The following PDE3B variants were observed in gnomAD, a reference collection of about 807,000 sequenced individuals.
PDE3B encodes the protein phosphodiesterase 3B, also known as cGMP-inhibited 3',5'-cyclic phosphodiesterase 3B.
PDE3B carries 66 observed loss-of-function variants against 116.8 expected under a neutral mutation model. The observed-to-expected ratio is 0.56, with a 90% confidence interval of 0.46 to 0.69. PDE3B has a LOEUF of 0.69. Among genes scored for constraint, PDE3B ranks in the 30% least tolerant of loss-of-function variants. The probability of loss-of-function intolerance (pLI) is 0.00; values close to 1 mark genes in which losing one functional copy is unlikely to be tolerated. For synonymous variants in PDE3B, 595 were observed against 533.6 expected (o/e 1.12, Z -1.59); for missense variants, 1,384 against 1,368.1 (o/e 1.01, Z -0.18).
At chr11:14,882,101 C>T in the PDE3B span, among the ~76,000 whole-genome samples, 2 of 152,048 alleles carry the variant, frequency 1.3e-5, no homozygotes, top group Non-Finnish European at 2.9e-5. Context: ...TTTTTCTATA[C>T]TCCCAGATGA....
chr11:14,890,040 A>G, the PDE3B span, among the ~76,000 whole-genome samples: 1 of 151,980 alleles, frequency 6.6e-6, no homozygotes, highest in Non-Finnish European at 1.5e-5. Flanking sequence ...GAGGCAGGAG[A>G]ATGGCGTGAA....
chr11:14,655,172 A>T (rs1468457210), intron 1 of PDE3B, among the ~76,000 whole-genome samples: 5 of 152,196 alleles, frequency 3.3e-5, no homozygotes, highest in Non-Finnish European at 4.4e-5. Flanking sequence ...AGGACACAAG[A>T]CACTATAATA....
At chr11:14,777,585 G>A (rs1056801723) in intron 2 of PDE3B, among the ~76,000 whole-genome samples, 1 of 152,170 alleles carries the variant, frequency 6.6e-6, no homozygotes, top group African/African-American at 2.4e-5. Flanking sequence ...AAGCCCAGAA[G>A]GAAGTGGCAG....
chr11:14,674,034 T>C, intron 1 of PDE3B: 1 of 1,487,772 alleles, frequency 6.7e-7, no homozygotes, highest in African/African-American at 1.4e-5. Flanking sequence ...GTCTGGTAAT[T>C]AAGTCCCAGT....
Position 14,843,837 on chromosome 11 carries a change from TAGA to T in PDE3B, c.2333_2335del (p.Arg778del). The stretch of plus-strand genomic sequence containing the variant: ...TTTATTGTTTCTCAGATTCTGATGG[TAGA>T]ATTAACCATGGGCGAATTGCTTATA... On this transcript the variant is annotated inframe_deletion, in exon 12 of 16. Transcript: ENST00000282096. 6.2e-7 allele frequency: 1 copy of T among 1,613,144 alleles called. No individual in the cohort carries two copies. The highest frequency in any genetic ancestry group is 1.1e-5 in the South Asian group (1 of 91,060).
rs192129845 is a variant in PDE3B, at chr11:14,682,801, C to G, written c.978+37748C>G. Among the ~76,000 whole-genome samples the G allele has an allele frequency of 5.8e-3, 867 of 150,334 alleles. 7 individuals are homozygous for G. Among genetic ancestry groups the G allele is most frequent in the Non-Finnish European group, 5.7e-3 (385 of 67,620 alleles). On this transcript the variant is annotated intron_variant, in intron 1 of 15. Coordinates refer to ENST00000282096, the MANE Select transcript of PDE3B (RefSeq NM_000922.4). ...GTTTTTTGTTGTTTTTTTTTTAATA[C>G]CTTTTTTGGTATTGGGGTAATGGTG...
chr11:14,804,257 G>A (rs1354825892), intron 5 of PDE3B, among the ~76,000 whole-genome samples: 1 of 152,048 alleles, frequency 6.6e-6, no homozygotes, highest in African/African-American at 2.4e-5. Context: ...CTCTGTACCA[G>A]GTATTTTGCT....
intron 5 of PDE3B, among the ~76,000 whole-genome samples, chr11:14,814,489 A>G (rs1160193819): frequency 1.3e-5 from 2 of 152,224 alleles, no homozygotes; most frequent in Non-Finnish European, 2.9e-5. Flanking sequence ...AACACCATTT[A>G]CCACAGCATC....
chr11:14,885,958 G>A, the PDE3B span: 27 of 1,593,414 alleles, frequency 1.7e-5, no homozygotes, highest in Admixed American at 5.0e-5. Context: ...ATGACAGCAT[G>A]TATGGAGAAA....
chr11:14,730,608 A>G (rs918429807), intron 1 of PDE3B, among the ~76,000 whole-genome samples: 2 of 152,214 alleles, frequency 1.3e-5, no homozygotes, highest in Non-Finnish European at 2.9e-5. Context: ...TATTTTAGTT[A>G]TTACTTTAAC....
intron 12 of PDE3B, among the ~76,000 whole-genome samples, chr11:14,849,867 G>C (rs1847703468): frequency 6.6e-6 from 1 of 151,330 alleles, no homozygotes; most frequent in Non-Finnish European, 1.5e-5. Context: ...TGGAGAAATA[G>C]GAACACTTTT....
intron 1 of PDE3B, among the ~76,000 whole-genome samples, chr11:14,722,558 C>G (rs971405655): frequency 2.0e-5 from 3 of 152,110 alleles, no homozygotes; most frequent in African/African-American, 4.8e-5. Flanking sequence ...AGCAATTTTA[C>G]AAATAATAGA....
At chr11:14,757,711 T>G (rs1446058786) in intron 1 of PDE3B, among the ~76,000 whole-genome samples, 1 of 144,830 alleles carries the variant, frequency 6.9e-6, no homozygotes, top group Non-Finnish European at 1.5e-5. Context: ...TAGCCCTTTT[T>G]CAGATGAGTA....
chr11:14,786,483 C>T lies in PDE3B; in HGVS notation c.1076C>T (p.Ala359Val). The T allele has an allele frequency of 6.2e-7, 1 of 1,612,070 alleles. No homozygotes were observed. Among genetic ancestry groups the T allele is most frequent in the Non-Finnish European group, 8.5e-7 (1 of 1,178,428 alleles). ...GTTGATCTTTCAGTGCTAAATGAGG[C>T]TCGCAATATGGTGTCAGATCTTCTG... ...NGVDLSVLNE[A>V]RNMVSDLLTD... The change falls in exon 3 of 16, where the codon GCT becomes GTT. Residue 359 changes from alanine (A) to valine (V), a missense_variant. Ala to Val is a moderately conservative substitution (Grantham distance 64). This residue lies in a region of PDE3B where 956 missense variants were observed against 806.8 expected (regional missense o/e 1.18). Coordinates refer to ENST00000282096, the MANE Select transcript of PDE3B (RefSeq NM_000922.4).
At chr11:14,649,143 A>G (rs930236561) in intron 1 of PDE3B, among the ~76,000 whole-genome samples, 2 of 152,104 alleles carry the variant, frequency 1.3e-5, no homozygotes, top group African/African-American at 4.8e-5. Context: ...TTTGTTTTTC[A>G]TTGTCATCAG....
chr11:14,682,296 G>A (rs1214328545), intron 1 of PDE3B, among the ~76,000 whole-genome samples: 3 of 152,088 alleles, frequency 2.0e-5, no homozygotes, highest in African/African-American at 4.8e-5. Flanking sequence ...CTGTCAATAG[G>A]ACAGTTTGAT....
chr11:14,733,092 C>CA (rs1157258029), intron 1 of PDE3B, among the ~76,000 whole-genome samples: 5 of 152,242 alleles, frequency 3.3e-5, no homozygotes, highest in African/African-American at 1.2e-4. Context: ...TATTGCTTTA[C>CA]AAAATGACAG....
At chr11:14,737,258 A>G (rs529768973) in intron 1 of PDE3B, among the ~76,000 whole-genome samples, 2 of 149,740 alleles carry the variant, frequency 1.3e-5, no homozygotes, top group South Asian at 4.2e-4. Flanking sequence ...CAGTGGTGCA[A>G]TCTTGGCTCA....
intron 11 of PDE3B, among the ~76,000 whole-genome samples, chr11:14,838,742 G>GAT (rs1403795319): frequency 2.0e-5 from 3 of 152,166 alleles, no homozygotes; most frequent in African/African-American, 7.2e-5. Flanking sequence ...AAACCTGGGG[G>GAT]ATATATGTCT....
Sources: allele counts gnomAD v4.1 joint callset (sites outside exome capture counted in the v4.1 genomes callset), GRCh38; gene constraint gnomAD v4.1.1; regional missense constraint gnomAD v4.1.1; transcripts MANE v1.5; gene names NCBI Gene and HGNC (gene_info 2026-07-23, HGNC 2026-07-21).